The following ARHGEF38 variants were observed in gnomAD, a reference collection of about 807,000 sequenced individuals.
ARHGEF38 encodes Rho guanine nucleotide exchange factor (GEF) 38.
In ARHGEF38, 79 loss-of-function variants were observed where a neutral mutation model predicts 79.9. The ratio of observed to expected loss-of-function variants is 0.99; its 90% CI spans 0.82 to 1.19. The LOEUF (loss-of-function observed/expected upper bound fraction) is 1.19, where lower values mean the gene tolerates loss of function less well. Among genes scored for constraint, ARHGEF38 ranks in the 50% most tolerant of loss-of-function variants. ARHGEF38 has a pLI of 0.00. For missense variants in ARHGEF38, 962 were observed against 907.2 expected, an observed-to-expected ratio of 1.06 and a Z score of -0.78; for synonymous variants, 366 against 328.3, an observed-to-expected ratio of 1.11 and a Z score of -1.24.
At chr4:105,668,699 TA>T (rs1730854940) in intron 13 of ARHGEF38, among the ~76,000 whole-genome samples, 1 of 148,448 alleles carries the variant, frequency 6.7e-6, no homozygotes, top group Non-Finnish European at 1.5e-5. Flanking sequence ...GATAGATAGA[TA>T]GATAGATGAT....
In ARHGEF38 at chr4:105,610,346, A is replaced by G. The variant is rs375980356; in HGVS notation, c.385-3038A>G. The stretch of plus-strand genomic sequence containing the variant: ...TTTTTTCAGAAGAAAATTTTAAAAA[A>G]GAAACATTAGCCTTTAATTTTTATG... On this transcript the variant is annotated intron_variant, in intron 2 of 13. Coordinates refer to ENST00000420470, the MANE Select transcript of ARHGEF38 (RefSeq NM_001242729.2). 7.9e-5 allele frequency among the ~76,000 whole-genome samples: 12 copies of G among 152,252 alleles called. No homozygotes were observed. In the South Asian group the frequency reaches 1.0e-3, roughly 13 times the overall value.
intron 13 of ARHGEF38, among the ~76,000 whole-genome samples, chr4:105,673,845 A>G (rs1372197447): frequency 2.0e-5 from 3 of 152,166 alleles, no homozygotes; most frequent in Admixed American, 2.0e-4. Flanking sequence ...TAATTAAAAC[A>G]TATAATTGTT....
At chr4:105,555,109 C>T (rs975190593) in intron 1 of ARHGEF38, among the ~76,000 whole-genome samples, 2 of 152,162 alleles carry the variant, frequency 1.3e-5, no homozygotes, top group East Asian at 1.9e-4. Flanking sequence ...GGTTACTTTG[C>T]AGAAGACCTC....
chr4:105,630,016 T>C (rs1451793469), intron 3 of ARHGEF38, among the ~76,000 whole-genome samples: 1 of 152,172 alleles, frequency 6.6e-6, no homozygotes, highest in African/African-American at 2.4e-5. Flanking sequence ...AATTTCACCT[T>C]CTGTGTCTCT....
In ARHGEF38 at chr4:105,613,485, G is replaced by A; in HGVS notation, c.486G>A (p.Val162=). The part of the protein sequence containing the change: ...LSLLEEATTD[V]EPAMQVIGEV... ...TGTTGGAAGAGGCCACAACAGACGT[G>A]GAACCGGCCATGCAAGTAATTGGTA... Residue 162 remains valine, a synonymous_variant, in exon 3 of 14, where the codon GTG becomes GTA. Transcript: ENST00000420470. 6.2e-7 allele frequency: 1 copy of A among 1,612,888 alleles called. No individual in the cohort carries two copies. Among genetic ancestry groups the A allele is most frequent in the Non-Finnish European group, 8.5e-7 (1 of 1,179,206 alleles).
rs1338076220 is a variant in ARHGEF38 at position 105,616,927 on chromosome 4, A to T, written c.508+3420A>T. 3.3e-5 allele frequency among the ~76,000 whole-genome samples: 5 copies of T among 152,204 alleles called. No individual in the cohort carries two copies. In the South Asian group the frequency reaches 1.0e-3, roughly 32 times the overall value. Reference sequence around the variant, plus strand: ...CAGCATGGCTTCTCATTTAGGTCAGACAACAGTTTTCCTAGATTAATTACA... The same window carrying T: ...CAGCATGGCTTCTCATTTAGGTCAGTCAACAGTTTTCCTAGATTAATTACA... On this transcript the variant is annotated intron_variant, in intron 3 of 13. Transcript: ENST00000420470.
At chr4:105,651,968 C>T (rs889080915) in intron 7 of ARHGEF38, among the ~76,000 whole-genome samples, 1 of 152,160 alleles carries the variant, frequency 6.6e-6, no homozygotes, top group African/African-American at 2.4e-5. Flanking sequence ...TGTCTTCTTT[C>T]AAGTCCCAAA....
At chr4:105,617,315 C>A (rs1292197421) in intron 3 of ARHGEF38, among the ~76,000 whole-genome samples, 2 of 152,028 alleles carry the variant, frequency 1.3e-5, no homozygotes, top group Non-Finnish European at 2.9e-5. Flanking sequence ...AAATAAAAAT[C>A]TATAGAGCAG....
intron 3 of ARHGEF38, among the ~76,000 whole-genome samples, chr4:105,628,580 A>G (rs1220144047): frequency 6.6e-6 from 1 of 152,200 alleles, no homozygotes; most frequent in East Asian, 1.9e-4. Flanking sequence ...ACTCTATAGG[A>G]TATCAGAAAC....
At chr4:105,564,101 T>A (rs983325238) in intron 1 of ARHGEF38, among the ~76,000 whole-genome samples, 1 of 152,174 alleles carries the variant, frequency 6.6e-6, no homozygotes, top group African/African-American at 2.4e-5. Context: ...TCATTGCTTT[T>A]CATTTTTCTA....
Position 105,667,195 on chromosome 4 carries a change from C to T in ARHGEF38, c.1756C>T (p.Leu586Phe). Residue 586 changes from leucine to phenylalanine, a missense_variant, in exon 12 of 14, where the codon CTC becomes TTC. By Grantham distance (22) the Leu-to-Phe change is conservative. Transcript: ENST00000420470. ...TCTATCCACATATAGTGCAGAGGAA[C>T]TCTATCAAGCTAAGCGCAAGTGCAA... ...KLLSTYSAEE[L>F]YQAKRKCNAT... 1.3e-6 allele frequency: 2 copies of T among 1,536,168 alleles called. No homozygotes were observed.
Position 105,666,268 on chromosome 4 carries a change from C to T in ARHGEF38, c.1637C>T (p.Thr546Ile), listed in dbSNP as rs774672632. The T allele has an allele frequency of 4.6e-6, 7 of 1,534,682 alleles. No homozygotes were observed. The Admixed American group carries it at 1.4e-4, about 30-fold the overall frequency. ...AATTGTGTGAAAGAAAACAGTGCCA[C>T]CTTTATTGAGAGGAAACTCAGTTTT... ...NLNCVKENSA[T>I]FIERKLSFEK... The change falls in exon 11 of 14, where the codon ACC becomes ATC. Residue 546 changes from threonine to isoleucine, a missense_variant. Coordinates refer to ENST00000420470, the MANE Select transcript of ARHGEF38 (RefSeq NM_001242729.2).
chr4:105,645,495 C>A, intron 6 of ARHGEF38, 108 bp downstream of exon 6: 1 of 908,818 alleles, frequency 1.1e-6, no homozygotes, highest in Non-Finnish European at 1.5e-6. Flanking sequence ...GTGAACTGAT[C>A]ATTTGAAATC....
chr4:105,632,207 G>C (rs1447093), intron 4 of ARHGEF38, among the ~76,000 whole-genome samples: 49,920 of 151,938 alleles, frequency 0.33, 11,341 homozygotes, highest in African/African-American at 0.64. Context: ...CTTTATTGCC[G>C]TCTACTGGTC....
At chr4:105,563,358 G>A (rs183804944) in intron 1 of ARHGEF38, 10 of 152,302 alleles carry the variant, frequency 6.6e-5, no homozygotes, top group Non-Finnish European at 1.3e-4. Flanking sequence ...CCTCATACAT[G>A]GAACAAGGTA....
At chr4:105,588,337 G>A (rs879726069) in intron 1 of ARHGEF38, among the ~76,000 whole-genome samples, 2 of 152,202 alleles carry the variant, frequency 1.3e-5, no homozygotes, top group Non-Finnish European at 2.9e-5. Context: ...CAACTGCAGA[G>A]ACTAAGATGA....
chr4:105,633,613 A>T (rs964878383), intron 4 of ARHGEF38, among the ~76,000 whole-genome samples: 1 of 152,156 alleles, frequency 6.6e-6, no homozygotes, highest in African/African-American at 2.4e-5. Flanking sequence ...TCCACGAGAG[A>T]GGTGGCTTCA....
At chr4:105,668,665 G>GAT (rs1159085936) in intron 13 of ARHGEF38, among the ~76,000 whole-genome samples, 2 of 54,052 alleles carry the variant, frequency 3.7e-5, no homozygotes, top group Non-Finnish European at 7.5e-5. Context: ...TATATGTGTA[G>GAT]ATAGATAGAT....
intron 2 of ARHGEF38, among the ~76,000 whole-genome samples, chr4:105,599,503 TC>T (rs1438978544): frequency 1.3e-5 from 2 of 152,144 alleles, no homozygotes; most frequent in Non-Finnish European, 2.9e-5. Flanking sequence ...TTACTTTACT[TC>T]CCAGAATGGA....
Sources: gnomAD v4.1 joint callset for allele counts (sites outside exome capture counted in the v4.1 genomes callset) on GRCh38, gnomAD v4.1.1 for gene constraint, MANE v1.5 for transcripts, NCBI Gene and HGNC (gene_info 2026-07-23, HGNC 2026-07-21) for gene names.